EHBP1: variants seen among roughly 807,000 people sequenced by gnomAD.
EHBP1 encodes the protein EH domain-binding protein 1.
EHBP1 carries 55 observed loss-of-function variants against 144.0 expected under a neutral mutation model. That is an observed-to-expected ratio of 0.38 (90% CI 0.31 to 0.48). The LOEUF (loss-of-function observed/expected upper bound fraction) is 0.48, where lower values mean the gene tolerates loss of function less well. Among genes scored for constraint, EHBP1 ranks in the 20% least tolerant of loss-of-function variants. EHBP1 has a pLI of 0.98. For synonymous variants in EHBP1, 469 were observed against 472.7 expected, an observed-to-expected ratio of 0.99 and a Z score of 0.10; for missense variants, 1,200 against 1,364.2, an observed-to-expected ratio of 0.88 and a Z score of 1.90.
intron 10 of EHBP1, among the ~76,000 whole-genome samples, chr2:62,898,417 T>A (rs747759424): frequency 3.9e-5 from 6 of 152,148 alleles, no homozygotes; most frequent in Non-Finnish European, 7.4e-5. Flanking sequence ...TTTGTGCATA[T>A]CTTGATGTAT....
rs756629053 is a variant in EHBP1, at chr2:62,990,835, A to C, written c.2728A>C (p.Met910Leu). ...KAVTESSEQD[M>L]KSGTEDLRTE... is the part of the protein sequence containing the mutation. The stretch of plus-strand genomic sequence containing the variant: ...TGTAACTGAGAGCTCAGAGCAGGAC[A>C]TGAAAGTAAGTCTTACTTGTTTAAA... Residue 910 changes from methionine to leucine, a missense_variant, in exon 16 of 23, where the codon ATG becomes CTG. Transcript: ENST00000431489. 5 of 1,611,568 alleles carry C rather than the reference A, an allele frequency of 3.1e-6. No homozygotes were observed. In the Admixed American group the frequency reaches 6.7e-5, roughly 22 times the overall value.
intron 10 of EHBP1, among the ~76,000 whole-genome samples, chr2:62,918,678 G>A (rs1378040409): frequency 6.6e-6 from 1 of 152,130 alleles, no homozygotes; most frequent in Non-Finnish European, 1.5e-5. Flanking sequence ...ATTTTACATT[G>A]ATTCACTGAA....
At position 62,706,995 on chromosome 2, in the gene EHBP1, C is replaced by CT. The variant is rs2034657201; in HGVS notation, c.-195dup. 6 of 551,450 alleles carry CT rather than the reference C, an allele frequency of 1.1e-5. No homozygotes were observed. The South Asian group carries it at 1.2e-4, about 11-fold the overall frequency. The allele number at this position is 551,450 out of a possible 1,614,324, so 34.2% of individuals were successfully genotyped here. On this transcript the variant is annotated 5_prime_UTR_variant, in exon 2 of 23. It removes the in-frame stop codon of an upstream open reading frame in the 5' UTR. Transcript: ENST00000431489. ...ATCCTGTCACGTATATCATAGTGTT[C>CT]TTGACTGGGCCATTCATCTAAGATG...
At position 62,798,898 on chromosome 2, in the gene EHBP1, A is replaced by G. The variant is rs376122140; in HGVS notation, c.313-27189A>G. On this transcript the variant is annotated intron_variant, in intron 5 of 22. Transcript: ENST00000431489. The stretch of plus-strand genomic sequence containing the variant: ...GGGCGCCTGTAGTCCCAGCTACTCG[A>G]GAGGCTGAGGCAGGAGAATGGCGTG... 5.0e-4 allele frequency among the ~76,000 whole-genome samples: 74 copies of G among 148,836 alleles called. 1 individual carries two copies. Among genetic ancestry groups the G allele is most frequent in the African/African-American group, 1.6e-3 (66 of 40,416 alleles).
chr2:62,755,633 C>G (rs1056774430), intron 3 of EHBP1, among the ~76,000 whole-genome samples: 1 of 152,134 alleles, frequency 6.6e-6, no homozygotes, highest in African/African-American at 2.4e-5. Flanking sequence ...GCAGCAGCAT[C>G]TTTAAAGCAT....
intron 5 of EHBP1, among the ~76,000 whole-genome samples, chr2:62,785,675 T>C (rs1256507125): frequency 6.6e-6 from 1 of 152,180 alleles, no homozygotes; most frequent in East Asian, 1.9e-4. Flanking sequence ...TTTCTTTTTC[T>C]TATTAAAATA....
At chr2:62,892,941 G>A (rs918101141) in intron 10 of EHBP1, among the ~76,000 whole-genome samples, 1 of 151,972 alleles carries the variant, frequency 6.6e-6, no homozygotes, top group Non-Finnish European at 1.5e-5. Context: ...TCAAAAATAT[G>A]AACTCAAACA....
intron 9 of EHBP1, 50 bp downstream of exon 9, chr2:62,865,021 T>C (rs761913735): frequency 1.3e-6 from 2 of 1,580,046 alleles, no homozygotes; most frequent in Non-Finnish European, 8.6e-7. Context: ...CTATGTTACC[T>C]AAAGAGATCC....
At chr2:62,934,563 G>A (rs1045136923) in intron 10 of EHBP1, among the ~76,000 whole-genome samples, 3 of 152,164 alleles carry the variant, frequency 2.0e-5, no homozygotes, top group African/African-American at 7.2e-5. Context: ...ACAGCATCAG[G>A]TATGCTAGGC....
At chr2:62,967,550 G>A (rs2058302795) in intron 14 of EHBP1, among the ~76,000 whole-genome samples, 1 of 152,108 alleles carries the variant, frequency 6.6e-6, no homozygotes, top group Non-Finnish European at 1.5e-5. Flanking sequence ...TTTTTAAAAA[G>A]GACATGGAAA....
rs769914493 is a variant in EHBP1 at position 63,045,439 on chromosome 2, G to C, written c.3422G>C (p.Arg1141Pro). 3 of 1,614,158 alleles carry C rather than the reference G, an allele frequency of 1.9e-6. No homozygotes were observed. Residue 1141 changes from arginine to proline, a missense_variant, in exon 23 of 23, where the codon CGA becomes CCA. By Grantham distance (103) the Arg-to-Pro change is moderately radical. Transcript: ENST00000431489. This position sits in a 1 kb window ranked among gnomAD's most constrained non-coding sequence, Gnocchi z 5.7. The stretch of plus-strand genomic sequence containing the variant: ...GAAGAAGAAGATGAGCATTTGGAGC[G>C]AACTCTGGAGCAAAACAAAGGCAAG... ...QAEEEDEHLE[R>P]TLEQNKGKMA... is the part of the protein sequence containing the mutation.
Position 63,045,008 on chromosome 2 carries a change from G to C in EHBP1, c.3278-58G>C, listed in dbSNP as rs1388436154. 5 of 1,273,392 alleles carry C rather than the reference G, an allele frequency of 3.9e-6. No individual in the cohort carries two copies. The African/African-American group carries it at 4.5e-5, about 11-fold the overall frequency. The allele number at this position is 1,273,392 out of a possible 1,614,324, so 78.9% of individuals were successfully genotyped here. On this transcript the variant is annotated intron_variant, in intron 21 of 22. Coordinates refer to ENST00000431489, the MANE Select transcript of EHBP1 (RefSeq NM_001142616.3). The surrounding 1 kb of genome is among the most constrained non-coding windows in gnomAD (Gnocchi z 5.7). ...CTGGAAAAGGCGGGAAGGGGAGGGC[G>C]GGGGGCCGGGTGTTCGGAGGCCCTG...
intron 5 of EHBP1, among the ~76,000 whole-genome samples, chr2:62,793,660 G>A (rs1396915878): frequency 6.6e-6 from 1 of 151,966 alleles, no homozygotes; most frequent in African/African-American, 2.4e-5. Flanking sequence ...TACCTTTCAG[G>A]ATATTAAAAA....
At chr2:62,943,144 A>G (rs2056862383) in intron 11 of EHBP1, among the ~76,000 whole-genome samples, 2 of 152,214 alleles carry the variant, frequency 1.3e-5, no homozygotes, top group Non-Finnish European at 2.9e-5. Context: ...TGGGAGGCCA[A>G]GGCGGGTGGA....
At chr2:62,738,017 G>T (rs1321288970) in intron 2 of EHBP1, among the ~76,000 whole-genome samples, 2 of 152,050 alleles carry the variant, frequency 1.3e-5, no homozygotes, top group African/African-American at 2.4e-5. Flanking sequence ...TTCCTGCCTT[G>T]CCCTCTCAAG....
intron 19 of EHBP1, among the ~76,000 whole-genome samples, chr2:62,999,054 A>C (rs2059749726): frequency 6.6e-6 from 1 of 152,116 alleles, no homozygotes; most frequent in African/African-American, 2.4e-5. Context: ...ATTTCAGTGT[A>C]CTTTCTGATT....
intron 19 of EHBP1, among the ~76,000 whole-genome samples, chr2:63,026,123 C>G (rs1454741982): frequency 6.6e-6 from 1 of 152,176 alleles, no homozygotes; most frequent in Non-Finnish European, 1.5e-5. Context: ...CAGACTTGCA[C>G]TGAGTTGCCC....
At chr2:62,878,215 A>G (rs964450393) in intron 10 of EHBP1, among the ~76,000 whole-genome samples, 5 of 152,182 alleles carry the variant, frequency 3.3e-5, no homozygotes, top group Non-Finnish European at 5.9e-5. Flanking sequence ...CAGAAAACCT[A>G]CAAGATATGA....
At chr2:62,812,274 T>C (rs2152536848) in intron 5 of EHBP1, among the ~76,000 whole-genome samples, 1 of 152,268 alleles carries the variant, frequency 6.6e-6, no homozygotes, top group African/African-American at 2.4e-5. Context: ...GATACTCTTG[T>C]TACAGCAGCA....
Sources: gnomAD v4.1 joint callset for allele counts (sites outside exome capture counted in the v4.1 genomes callset) on GRCh38, gnomAD v4.1.1 for gene constraint, Gnocchi (gnomAD v3.1) non-coding constraint, MANE v1.5 for transcripts, NCBI Gene and HGNC (gene_info 2026-07-23, HGNC 2026-07-21) for gene names.